SLC7A14: variants seen among roughly 807,000 people sequenced by gnomAD.
The protein encoded by SLC7A14 is gamma-aminobutyric acid transporter SLC7A14.
Under a neutral mutation model 60.2 loss-of-function variants are expected in SLC7A14, and 37 were observed. The observed-to-expected ratio is 0.61, with a 90% CI of 0.47 to 0.81. The LOEUF is 0.81. Ranked by LOEUF, SLC7A14 falls within the 30% of genes least tolerant of loss-of-function variation. The probability of loss-of-function intolerance (pLI) is 0.00; values close to 1 mark genes in which losing one functional copy is unlikely to be tolerated. For missense variants in SLC7A14, 886 were observed against 982.7 expected, an observed-to-expected ratio of 0.90 and a Z score of 1.32; for synonymous variants, 399 against 395.8, an observed-to-expected ratio of 1.01 and a Z score of -0.10.
chr3:170,468,366 C>T (rs1739784376), intron 7 of SLC7A14, among the ~76,000 whole-genome samples: 4 of 151,732 alleles, frequency 2.6e-5, no homozygotes, highest in Admixed American at 1.3e-4. Context: ...GGCATGATCT[C>T]GGCTCACTGC....
chr3:170,550,512 A>ATTTTTTTTTTTTTTTTTTTTTTTTTTT lies in SLC7A14; in HGVS notation c.-152-23425_-152-23424insAAAAAAAAAAAAAAAAAAAAAAAAAAA, dbSNP rs369436642. 1.3e-4 allele frequency among the ~76,000 whole-genome samples: 8 copies of ATTTTTTTTTTTTTTTTTTTTTTTTTTT among 60,616 alleles called. 1 individual carries two copies. Among genetic ancestry groups the ATTTTTTTTTTTTTTTTTTTTTTTTTTT allele is most frequent in the African/African-American group, 4.4e-4 (5 of 11,474 alleles). 39.8% of individuals were successfully genotyped at this position (60,616 alleles called of 152,430 possible). A position where few individuals can be genotyped will look rare whatever the true frequency, so the allele number is the denominator to read the frequency against. ...TAAACCTAATGCCATCTTTCCTTGA[A>ATTTTTTTTTTTTTTTTTTTTTTTTTTT]TTTTTTTTTTTTTTTTTTTTTTTTT... On this transcript the variant is annotated intron_variant, in intron 1 of 7. Transcript: ENST00000231706.
intron 1 of SLC7A14, among the ~76,000 whole-genome samples, chr3:170,571,928 G>A (rs138211724): frequency 1.2e-4 from 18 of 152,108 alleles, no homozygotes; most frequent in Non-Finnish European, 2.6e-4. Context: ...GGGCATGGTG[G>A]TGCACGCCTG....
chr3:170,556,101 G>C (rs1169941049), intron 1 of SLC7A14, among the ~76,000 whole-genome samples: 1 of 151,230 alleles, frequency 6.6e-6, no homozygotes, highest in Non-Finnish European at 1.5e-5. Context: ...ACTAAAATAT[G>C]GTTTACCTCC....
intron 1 of SLC7A14, among the ~76,000 whole-genome samples, chr3:170,544,193 G>C (rs531870622): frequency 1.3e-5 from 2 of 152,228 alleles, no homozygotes; most frequent in African/African-American, 2.4e-5. Flanking sequence ...GGTCTGGCCA[G>C]GGTCCCCATT....
At chr3:170,470,337 T>TGTGTGTGTGTGTGG (rs1739858887) in intron 7 of SLC7A14, among the ~76,000 whole-genome samples, 1 of 151,380 alleles carries the variant, frequency 6.6e-6, no homozygotes, top group Non-Finnish European at 1.5e-5. Context: ...TGTGTGTGTG[T>TGTGTGTGTGTGTGG]GTATGTGTGT....
chr3:170,495,552 C>G lies in SLC7A14; in HGVS notation c.759+3115G>C, dbSNP rs1196346612. ...TGGTGCCCACATCAGCTCTTCAAGC[C>G]TCTCCCGAGTGAGCAGCAGCAGCTT... On this transcript the variant is annotated intron_variant, in intron 4 of 7. Coordinates refer to ENST00000231706, the MANE Select transcript of SLC7A14 (RefSeq NM_020949.3). 6.6e-6 allele frequency: 5 copies of G among 754,190 alleles called. No homozygotes were observed. The South Asian group carries it at 7.3e-5, about 11-fold the overall frequency. 46.7% of individuals were successfully genotyped at this position (754,190 alleles called of 1,614,324 possible). A position where few individuals can be genotyped will look rare whatever the true frequency, so the allele number is the denominator to read the frequency against.
intron 1 of SLC7A14, among the ~76,000 whole-genome samples, chr3:170,566,390 A>C (rs756727301): frequency 3.9e-5 from 6 of 152,220 alleles, no homozygotes; most frequent in Non-Finnish European, 5.9e-5. Context: ...AGTTGGAGCT[A>C]AGTTCTTCTC....
In SLC7A14 at chr3:170,480,707, G is replaced by C; in HGVS notation, c.1575C>G (p.Ser525=). Reference sequence around the variant, plus strand: ...TTAACTTGATGAGATAAATATTTTCGGATTCATCAGCTTCTATGCCTGTGG... The same window carrying C: ...TTAACTTGATGAGATAAATATTTTCCGATTCATCAGCTTCTATGCCTGTGG... ...DMTTGIEADE[S]ENIYLIKLKK... is the part of the protein sequence containing the mutation. The change falls in exon 7 of 8, where the codon TCC becomes TCG. Residue 525 remains serine (S), a synonymous_variant. Transcript: ENST00000231706. 2.5e-6 allele frequency: 4 copies of C among 1,614,166 alleles called. No individual in the cohort carries two copies. Among genetic ancestry groups the C allele is most frequent in the Non-Finnish European group, 3.4e-6 (4 of 1,180,040 alleles).
chr3:170,547,514 G>T (rs1714214758), intron 1 of SLC7A14, among the ~76,000 whole-genome samples: 1 of 152,016 alleles, frequency 6.6e-6, no homozygotes, highest in Admixed American at 6.5e-5. Context: ...AGCTAGAGAA[G>T]AAAATGTAAT....
intron 1 of SLC7A14, among the ~76,000 whole-genome samples, chr3:170,560,554 T>G (rs1464424936): frequency 3.9e-5 from 6 of 152,166 alleles, no homozygotes; most frequent in African/African-American, 1.4e-4. Flanking sequence ...TTCAGACTTA[T>G]TATTTAAGTA....
In SLC7A14 at chr3:170,473,427, C is replaced by G. The variant is rs1314130442; in HGVS notation, c.1994-6050G>C. On this transcript the variant is annotated intron_variant, in intron 7 of 7. Coordinates refer to ENST00000231706, the MANE Select transcript of SLC7A14 (RefSeq NM_020949.3). ...GGAACTCCCTGTCCTCTCCATGAAG[C>G]TCCATACTTAGAACCGAGAGAGGTG... Among the ~76,000 whole-genome samples, 3 of 152,230 alleles carry G rather than the reference C, an allele frequency of 2.0e-5. No individual in the cohort carries two copies. The East Asian group carries it at 5.8e-4, about 29-fold the overall frequency.
intron 2 of SLC7A14, among the ~76,000 whole-genome samples, chr3:170,516,603 GA>G (rs1333054175): frequency 6.6e-6 from 1 of 151,450 alleles, no homozygotes; most frequent in African/African-American, 2.4e-5. Context: ...AATAAATAAA[GA>G]AGAAGAAAGA....
chr3:170,461,709 C>G lies in SLC7A14; in HGVS notation c.*5346G>C, dbSNP rs989401104. On this transcript the variant is annotated 3_prime_UTR_variant, in exon 8 of 8. Coordinates refer to ENST00000231706, the MANE Select transcript of SLC7A14 (RefSeq NM_020949.3). ...TTGAATTTCAAATACTCTTTCGTGG[C>G]CAGGCCACCACTGGTTACCTGCTGG... The G allele has an allele frequency of 1.3e-5, 2 of 152,326 alleles. No homozygotes were observed. The highest frequency in any genetic ancestry group is 3.9e-4 in the East Asian group (2 of 5,176). The allele number at this position is 152,326 out of a possible 1,614,324, so 9.4% of individuals were successfully genotyped here.
intron 1 of SLC7A14, among the ~76,000 whole-genome samples, chr3:170,584,886 T>C (rs1347010737): frequency 1.3e-5 from 2 of 152,098 alleles, no homozygotes; most frequent in East Asian, 1.9e-4. Flanking sequence ...CCAGAGCCAG[T>C]TCCTTTGAGT....
At position 170,498,863 on chromosome 3, in the gene SLC7A14, G is replaced by A. The variant is rs1187820783; in HGVS notation, c.563C>T (p.Pro188Leu). 6.2e-7 allele frequency: 1 copy of A among 1,614,010 alleles called. No individual in the cohort carries two copies. The highest frequency in any genetic ancestry group is 8.5e-7 in the Non-Finnish European group (1 of 1,180,030). Reference sequence around the variant, plus strand: ...CGCGATCAACAGAGCCAGAAGGTCTGGGTATGATTCTTCACCTTTCCCTAG... The same window carrying A: ...CGCGATCAACAGAGCCAGAAGGTCTAGGTATGATTCTTCACCTTTCCCTAG... Reference protein sequence around the residue: ...NGLGKGEESYPDLLALLIAVI... With the variant: ...NGLGKGEESYLDLLALLIAVI... Residue 188 changes from proline to leucine, a missense_variant, in exon 4 of 8, where the codon CCA becomes CTA. Transcript: ENST00000231706.
chr3:170,569,107 T>C lies in SLC7A14; in HGVS notation c.-153+16804A>G, dbSNP rs1191766053. On this transcript the variant is annotated intron_variant, in intron 1 of 7. Transcript: ENST00000231706. Reference sequence around the variant, plus strand: ...TTGTGCCAGTTTTCAAAGGGAATGCTTCCAGTTTTTGCCCATTCAGTATGA... The same window carrying C: ...TTGTGCCAGTTTTCAAAGGGAATGCCTCCAGTTTTTGCCCATTCAGTATGA... Among the ~76,000 whole-genome samples the C allele has an allele frequency of 2.6e-5, 4 of 152,286 alleles. No individual in the cohort carries two copies. The South Asian group carries it at 8.3e-4, about 32-fold the overall frequency.
At chr3:170,528,732 A>G (rs1371294565) in intron 1 of SLC7A14, among the ~76,000 whole-genome samples, 1 of 152,202 alleles carries the variant, frequency 6.6e-6, no homozygotes, top group Admixed American at 6.5e-5. Context: ...AGAGATATTT[A>G]ACAGGCTAGA....
At chr3:170,521,940 G>C (rs867669553) in intron 2 of SLC7A14, among the ~76,000 whole-genome samples, 2 of 152,016 alleles carry the variant, frequency 1.3e-5, no homozygotes, top group South Asian at 2.1e-4. Flanking sequence ...AGAAAAAGGT[G>C]GGGGGTGGGC....
At position 170,495,506 on chromosome 3, in the gene SLC7A14, C is replaced by T. The variant is rs375397703; in HGVS notation, c.759+3161G>A. ...CCTCTGGCCCCCAGGCCTTTAGCAGCCGCTTTTACACGAATGGGCCTGGTG... is the reference window on the plus strand; with the variant it reads ...CCTCTGGCCCCCAGGCCTTTAGCAGTCGCTTTTACACGAATGGGCCTGGTG... On this transcript the variant is annotated intron_variant, in intron 4 of 7. Transcript: ENST00000231706. 13 of 791,154 alleles carry T rather than the reference C, an allele frequency of 1.6e-5. No individual in the cohort carries two copies. In the East Asian group the frequency reaches 1.7e-4, roughly 10 times the overall value. The allele number at this position is 791,154 out of a possible 1,614,324, so 49.0% of individuals were successfully genotyped here.
Sources: gnomAD v4.1 joint callset for allele counts (sites outside exome capture counted in the v4.1 genomes callset) on GRCh38, gnomAD v4.1.1 for gene constraint, MANE v1.5 for transcripts, NCBI Gene and HGNC (gene_info 2026-07-23, HGNC 2026-07-21) for gene names.